SCUBE1: variants seen among roughly 807,000 people sequenced by gnomAD.
SCUBE1 encodes the protein signal peptide, CUB and EGF-like domain-containing protein 1.
SCUBE1 carries 59 observed loss-of-function variants against 124.4 expected under a neutral mutation model. The ratio of observed to expected loss-of-function variants is 0.47; its 90% CI spans 0.38 to 0.59. The LOEUF (loss-of-function observed/expected upper bound fraction) is 0.59, where lower values mean the gene tolerates loss of function less well. Among genes scored for constraint, SCUBE1 ranks in the 20% least tolerant of loss-of-function variants. The pLI is 0.00. For missense variants in SCUBE1, 1,150 were observed against 1,371.2 expected (o/e 0.84, Z 2.55); for synonymous variants, 545 against 550.9 (o/e 0.99, Z 0.15).
chr22:43,273,191 C>T (rs567279989), intron 4 of SCUBE1, among the ~76,000 whole-genome samples: 1 of 152,208 alleles, frequency 6.6e-6, no homozygotes, highest in Non-Finnish European at 1.5e-5. Flanking sequence ...CTGGCAGGCA[C>T]GCACTGTGTA....
At chr22:43,276,496 G>T (rs945674913) in intron 4 of SCUBE1, among the ~76,000 whole-genome samples, 1 of 152,222 alleles carries the variant, frequency 6.6e-6, no homozygotes, top group African/African-American at 2.4e-5. Flanking sequence ...CGTCCCACCA[G>T]GAGATTGGCC....
At chr22:43,240,005 C>T (rs1045568208) in intron 6 of SCUBE1, among the ~76,000 whole-genome samples, 1 of 152,154 alleles carries the variant, frequency 6.6e-6, no homozygotes, top group Non-Finnish European at 1.5e-5. Flanking sequence ...CCTCAGCTGT[C>T]GGGACTCCCT....
chr22:43,250,720 G>A (rs1370792098), intron 6 of SCUBE1, among the ~76,000 whole-genome samples: 1 of 152,196 alleles, frequency 6.6e-6, no homozygotes, highest in South Asian at 2.1e-4. Context: ...AAGGCCCAGA[G>A]GGAGCTCAGG....
In SCUBE1 at chr22:43,214,238, A is replaced by G. The variant is rs1921710053; in HGVS notation, c.1905T>C (p.Pro635=). 6.2e-7 allele frequency: 1 copy of G among 1,611,952 alleles called. No individual in the cohort carries two copies. The highest frequency in any genetic ancestry group is 8.5e-7 in the Non-Finnish European group (1 of 1,179,400). The change falls in exon 16 of 22, where the codon CCT becomes CCC. Residue 635 remains proline (P), a synonymous_variant. Transcript: ENST00000360835. ...CGAGCTCACCACCGAAGTGGGTGCC[A>G]GGCCCACAGGCAACTGCAGAGGCAA... ...LQDSKCVACG[P]GTHFGGELGQ...
rs779498652 is a variant in SCUBE1, at chr22:43,222,648, G to A, written c.1422C>T (p.Pro474=). The A allele has an allele frequency of 2.8e-5, 45 of 1,591,452 alleles. No homozygotes were observed. Among genetic ancestry groups the A allele is most frequent in the Non-Finnish European group, 3.8e-5 (45 of 1,170,166 alleles). ...KRNGTSSGLG[P]SCSDAPTTPI... ...GGCCGGGGGGGTTACCTGAGCAGCT[G>A]GGCCCGAGGCCAGAGCTGGTGCCGT... Residue 474 remains proline, a synonymous_variant, in exon 12 of 22, where the codon CCC becomes CCT. Coordinates refer to ENST00000360835, the MANE Select transcript of SCUBE1 (RefSeq NM_173050.5).
At chr22:43,331,572 T>C (rs1926904092) in intron 2 of SCUBE1, among the ~76,000 whole-genome samples, 1 of 152,244 alleles carries the variant, frequency 6.6e-6, no homozygotes. Flanking sequence ...TGAGGGCGGT[T>C]TGCTCCTCGT....
intron 3 of SCUBE1, among the ~76,000 whole-genome samples, chr22:43,298,076 C>T (rs914959811): frequency 6.6e-6 from 1 of 152,254 alleles, no homozygotes; most frequent in East Asian, 1.9e-4. Flanking sequence ...AGAAGGGCGG[C>T]TTAGGCAGAA....
Position 43,211,015 on chromosome 22 carries a change from A to G in SCUBE1, c.2290T>C (p.Tyr764His), listed in dbSNP as rs1921525005. The G allele has an allele frequency of 1.2e-6, 2 of 1,614,092 alleles. No individual in the cohort carries two copies. The highest frequency in any genetic ancestry group is 1.7e-6 in the Non-Finnish European group (2 of 1,180,008). Residue 764 changes from tyrosine to histidine, a missense_variant, in exon 18 of 22, where the codon TAC becomes CAC. By Grantham distance (83) the Tyr-to-His change is moderately conservative. Transcript: ENST00000360835. This position sits in a 1 kb window ranked among gnomAD's most constrained non-coding sequence, Gnocchi z 4.5. ...HRCIRCPVGT[Y>H]QPEFGQNHCI... ...TGGTTCTGGCCAAACTCGGGCTGGTAGGTGCCGACGGGGCAGCGGATGCAG... is the reference window on the plus strand; with the variant it reads ...TGGTTCTGGCCAAACTCGGGCTGGTGGGTGCCGACGGGGCAGCGGATGCAG...
In SCUBE1 at chr22:43,335,561, G is replaced by A. The variant is rs141832988; in HGVS notation, c.220+3543C>T. On this transcript the variant is annotated intron_variant, in intron 2 of 21. Transcript: ENST00000360835. ...TCATGACCCATGCTACCCTAAGTCT[G>A]TTATCAGGAATTTCCAGCTCATGCA... Among the ~76,000 whole-genome samples, 31 of 152,302 alleles carry A rather than the reference G, an allele frequency of 2.0e-4. No homozygotes were observed. The East Asian group carries it at 5.4e-3, about 26-fold the overall frequency.
At chr22:43,320,935 C>T (rs957842430) in intron 2 of SCUBE1, among the ~76,000 whole-genome samples, 1 of 152,216 alleles carries the variant, frequency 6.6e-6, no homozygotes, top group Non-Finnish European at 1.5e-5. Flanking sequence ...CCAGGCACAG[C>T]GAGAATTTGC....
intron 2 of SCUBE1, among the ~76,000 whole-genome samples, chr22:43,337,773 A>C (rs1363228071): frequency 6.6e-6 from 1 of 152,238 alleles, no homozygotes; most frequent in African/African-American, 2.4e-5. Context: ...TGCATCGCCC[A>C]CAAAACTCTA....
chr22:43,240,624 G>A (rs866066004), intron 6 of SCUBE1, among the ~76,000 whole-genome samples: 2 of 152,226 alleles, frequency 1.3e-5, no homozygotes, highest in African/African-American at 2.4e-5. Context: ...CTGCACCTCC[G>A]CACTCACACC....
intron 10 of SCUBE1, among the ~76,000 whole-genome samples, chr22:43,226,909 C>G (rs1200743311): frequency 6.6e-6 from 1 of 152,110 alleles, no homozygotes; most frequent in African/African-American, 2.4e-5. Flanking sequence ...GAGGCACTGC[C>G]ACATCCCCTG....
chr22:43,219,766 T>C (rs1173573320), intron 14 of SCUBE1, among the ~76,000 whole-genome samples: 1 of 152,054 alleles, frequency 6.6e-6, no homozygotes, highest in Non-Finnish European at 1.5e-5. Context: ...TGAGCCAGTG[T>C]GCCCAGCCAG....
At chr22:43,231,691 G>A in intron 8 of SCUBE1, 62 bp downstream of exon 8, 2 of 1,524,200 alleles carry the variant, frequency 1.3e-6, no homozygotes, top group Non-Finnish European at 1.8e-6. Context: ...TGTCAGCCCA[G>A]GAGGGGAAGG....
chr22:43,230,674 TGAG>T (rs761045625), intron 8 of SCUBE1, among the ~76,000 whole-genome samples: 8 of 152,304 alleles, frequency 5.3e-5, no homozygotes, highest in Non-Finnish European at 1.0e-4. Flanking sequence ...CCTCAGGCCC[TGAG>T]GAGAAGACAG....
rs912626800 is a variant in SCUBE1 at position 43,197,698 on chromosome 22, A to G, written c.*6299T>C. ...TGCAGGGCTGTGCCGGGGCCTCCCCAAGAGCAGTGGGGACACTCGGCAAGG... is the reference window on the plus strand; with the variant it reads ...TGCAGGGCTGTGCCGGGGCCTCCCCGAGAGCAGTGGGGACACTCGGCAAGG... On this transcript the variant is annotated 3_prime_UTR_variant, in exon 22 of 22. Transcript: ENST00000360835. 4 of 152,440 alleles carry G rather than the reference A, an allele frequency of 2.6e-5. No individual in the cohort carries two copies. Among genetic ancestry groups the G allele is most frequent in the African/African-American group, 7.2e-5 (3 of 41,590 alleles). 9.4% of individuals were successfully genotyped at this position (152,440 alleles called of 1,614,324 possible).
chr22:43,283,277 G>A (rs1218926204), intron 4 of SCUBE1: 1 of 152,196 alleles, frequency 6.6e-6, no homozygotes, highest in Admixed American at 6.5e-5. Flanking sequence ...CCGTGGGAGA[G>A]GGTCATGATT....
chr22:43,326,193 AAACTGGCATTT>A (rs1926721811), intron 2 of SCUBE1, among the ~76,000 whole-genome samples: 1 of 152,130 alleles, frequency 6.6e-6, no homozygotes, highest in Non-Finnish European at 1.5e-5. Flanking sequence ...TTTCCCCCTG[AAACTGGCATTT>A]TTCTAGACAT....
Sources: gnomAD v4.1 joint callset for allele counts (sites outside exome capture counted in the v4.1 genomes callset) on GRCh38, gnomAD v4.1.1 for gene constraint, Gnocchi (gnomAD v3.1) non-coding constraint, MANE v1.5 for transcripts, NCBI Gene and HGNC (gene_info 2026-07-23, HGNC 2026-07-21) for gene names.